Variants in ZNF536 observed in about 807,000 individuals in gnomAD.
The protein encoded by ZNF536 is zinc finger protein 536.
Under a neutral mutation model 84.5 loss-of-function variants are expected in ZNF536, and 13 were observed. The observed-to-expected ratio is 0.15, with a 90% CI of 0.10 to 0.24. The LOEUF (loss-of-function observed/expected upper bound fraction) is 0.24. Among genes scored for constraint, ZNF536 ranks in the 10% least tolerant of loss-of-function variants. The pLI is 1.00. For synonymous variants in ZNF536, 811 were observed against 742.5 expected (o/e 1.09, Z -1.50); for missense variants, 1,536 against 1,747.5 (o/e 0.88, Z 2.16).
At chr19:30,242,970 T>C (rs182120663) in intron 1 of ZNF536, among the ~76,000 whole-genome samples, 1 of 152,110 alleles carries the variant, frequency 6.6e-6, no homozygotes, top group African/African-American at 2.4e-5. Flanking sequence ...TTCCAAAGAG[T>C]CCTGCATACA....
chr19:30,262,360 G>A (rs1030013816), intron 1 of ZNF536, among the ~76,000 whole-genome samples: 1 of 152,230 alleles, frequency 6.6e-6, no homozygotes, highest in Non-Finnish European at 1.5e-5. Context: ...CACATGACAA[G>A]TGCTTGTACC....
intron 1 of ZNF536, among the ~76,000 whole-genome samples, chr19:30,579,349 T>C (rs2046843600): frequency 6.6e-6 from 1 of 152,188 alleles, no homozygotes; most frequent in South Asian, 2.1e-4. Context: ...ATCCTGCTGA[T>C]CCTGGCTAGG....
chr19:30,411,619 C>T (rs892345604), intron 1 of ZNF536, among the ~76,000 whole-genome samples: 20 of 152,242 alleles, frequency 1.3e-4, no homozygotes, highest in African/African-American at 3.6e-4. Context: ...ATCAAAACCA[C>T]GTGTCACTTT....
At chr19:30,462,035 G>T (rs1003490675) in intron 2 of ZNF536, among the ~76,000 whole-genome samples, 3 of 152,224 alleles carry the variant, frequency 2.0e-5, no homozygotes, top group African/African-American at 4.8e-5. Context: ...AGTCCATGGG[G>T]TTGTAAATTA....
At chr19:30,508,787 A>C (rs545598996) in intron 2 of ZNF536, among the ~76,000 whole-genome samples, 3 of 141,690 alleles carry the variant, frequency 2.1e-5, no homozygotes, top group African/African-American at 7.9e-5. Flanking sequence ...GGGTGTGGGC[A>C]CCGTGGTTCT....
chr19:30,229,599 A>G (rs2022876180), intron 1 of ZNF536, among the ~76,000 whole-genome samples: 1 of 151,954 alleles, frequency 6.6e-6, no homozygotes, highest in African/African-American at 2.4e-5. Context: ...CAGTCCAGGG[A>G]GTCGCAGGGG....
At chr19:30,589,369 A>G (rs1177219265) in intron 1 of ZNF536, among the ~76,000 whole-genome samples, 3 of 152,224 alleles carry the variant, frequency 2.0e-5, no homozygotes, top group Non-Finnish European at 2.9e-5. Flanking sequence ...GATAGCAACA[A>G]TAGAGCCACA....
intron 1 of ZNF536, among the ~76,000 whole-genome samples, chr19:30,281,610 A>G (rs1198786560): frequency 5.3e-5 from 8 of 152,190 alleles, no homozygotes; most frequent in Non-Finnish European, 1.2e-4. Flanking sequence ...CACTGAGTGA[A>G]CAGGCCTCCT....
At chr19:30,688,392 G>A (rs530890207) in intron 1 of ZNF536, among the ~76,000 whole-genome samples, 5 of 152,114 alleles carry the variant, frequency 3.3e-5, no homozygotes, top group East Asian at 3.9e-4. Flanking sequence ...GCTGAGTTTC[G>A]GCTGCTGTGT....
chr19:30,481,622 T>C (rs1400168296), intron 2 of ZNF536, among the ~76,000 whole-genome samples: 1 of 152,264 alleles, frequency 6.6e-6, no homozygotes, highest in Non-Finnish European at 1.5e-5. Flanking sequence ...TTAATCCTTG[T>C]AACAACTTTT....
At chr19:30,683,795 A>G (rs2051068460) in intron 1 of ZNF536, among the ~76,000 whole-genome samples, 1 of 151,536 alleles carries the variant, frequency 6.6e-6, no homozygotes, top group South Asian at 2.1e-4. Context: ...ACTATCACCC[A>G]CTCCACTTCA....
At chr19:30,507,167 G>A (rs1029366220) in intron 2 of ZNF536, among the ~76,000 whole-genome samples, 15 of 152,256 alleles carry the variant, frequency 9.9e-5, no homozygotes, top group African/African-American at 3.4e-4. Context: ...TTTGAGACCA[G>A]CCTGGCCAAT....
chr19:30,671,645 A>T (rs1005213476), intron 1 of ZNF536, among the ~76,000 whole-genome samples: 2 of 152,136 alleles, frequency 1.3e-5, no homozygotes, highest in Non-Finnish European at 2.9e-5. Context: ...AGAGGTGAGG[A>T]GGAGGCGGGC....
intron 1 of ZNF536, among the ~76,000 whole-genome samples, chr19:30,402,655 C>A (rs527900218): frequency 6.6e-6 from 1 of 151,696 alleles, no homozygotes; most frequent in South Asian, 2.1e-4. Context: ...AGCTTGCAAA[C>A]CGCGGCCGAC....
chr19:30,396,909 AG>A (rs1181888604), intron 1 of ZNF536, among the ~76,000 whole-genome samples: 1 of 152,052 alleles, frequency 6.6e-6, no homozygotes, highest in Non-Finnish European at 1.5e-5. Flanking sequence ...CCAGCCAAGC[AG>A]GCTCTCTTTT....
intron 2 of ZNF536, among the ~76,000 whole-genome samples, chr19:30,285,920 A>G (rs2045608669): frequency 6.6e-6 from 1 of 152,164 alleles, no homozygotes; most frequent in African/African-American, 2.4e-5. Context: ...CTATAGGAAA[A>G]CGAGCAGATA....
chr19:30,239,510 C>T (rs567894421), intron 1 of ZNF536, among the ~76,000 whole-genome samples: 6 of 152,254 alleles, frequency 3.9e-5, no homozygotes, highest in South Asian at 2.1e-4. Context: ...ACAGACATGG[C>T]GGTTGGAGAA....
At chr19:30,385,290 A>T (rs1307603073) in intron 1 of ZNF536, among the ~76,000 whole-genome samples, 1 of 152,086 alleles carries the variant, frequency 6.6e-6, no homozygotes, top group African/African-American at 2.4e-5. Flanking sequence ...GAGGGAGGTG[A>T]TGACCCGATG....
At chr19:30,606,272 AAAATAAAATAAAATAAAAT>A (rs1237945555) in intron 1 of ZNF536, among the ~76,000 whole-genome samples, 8,449 of 33,622 alleles carry the variant, frequency 0.25, 864 homozygotes, top group African/African-American at 0.3. Context: ...AAAATAAAAT[AAAATAAAATAAAATAAAAT>A]AAATAAAATA....
Sources: allele counts gnomAD v4.1 joint callset (sites outside exome capture counted in the v4.1 genomes callset), GRCh38; gene constraint gnomAD v4.1.1; transcripts MANE v1.5; gene names NCBI Gene and HGNC (gene_info 2026-07-23, HGNC 2026-07-21).